Variants in ADCY3 observed in about 807,000 individuals in gnomAD.
ADCY3 encodes the protein adenylate cyclase type 3.
In ADCY3, 70 loss-of-function variants were observed where a neutral mutation model predicts 119.4. The ratio of observed to expected loss-of-function variants is 0.59; its 90% CI spans 0.48 to 0.72. ADCY3 has a LOEUF of 0.72. Among genes scored for constraint, ADCY3 ranks in the 30% least tolerant of loss-of-function variants. The pLI, the probability that ADCY3 is intolerant of heterozygous loss-of-function variation, is 0.00. For synonymous variants in ADCY3, 672 were observed against 621.4 expected (o/e 1.08, Z -1.21); for missense variants, 1,238 against 1,541.6 (o/e 0.80, Z 3.30).
chr2:24,834,414 C>CGGGGGG lies in ADCY3; in HGVS notation c.1967+70_1967+71insCCCCCC. The CGGGGGG allele has an allele frequency of 1.0e-6, 1 of 1,003,484 alleles. No homozygotes were observed. The allele number at this position is 1,003,484 out of a possible 1,614,324, so 62.2% of individuals were successfully genotyped here. A position where few individuals can be genotyped will look rare whatever the true frequency, so the allele number is the denominator to read the frequency against. On this transcript the variant is annotated intron_variant, in intron 11 of 21. Coordinates refer to ENST00000679454, the MANE Select transcript of ADCY3 (RefSeq NM_004036.5). This position sits in a 1 kb window ranked among gnomAD's most constrained non-coding sequence, Gnocchi z 4.2. The stretch of plus-strand genomic sequence containing the variant: ...CCAATGTCAGGCTCCCGCTGAGACA[C>CGGGGGG]CTGCCCCCGCCCCCCGCCCGGCACC...
chr2:24,829,503 C>A (rs1328617451), intron 13 of ADCY3, among the ~76,000 whole-genome samples: 2 of 143,698 alleles, frequency 1.4e-5, no homozygotes, highest in African/African-American at 5.2e-5. Flanking sequence ...TCACTGCAAG[C>A]TCCACCTCCC....
Position 24,840,058 on chromosome 2 carries a change from TC to T in ADCY3, c.1197-28del, listed in dbSNP as rs978490428. ...TGCCAGGTACACACAGAAAGGAGGGTCAGGGTGTGGCCTTCACGAGGCAGCC... is the reference window on the plus strand; with the variant it reads ...TGCCAGGTACACACAGAAAGGAGGGTAGGGTGTGGCCTTCACGAGGCAGCC... On this transcript the variant is annotated intron_variant, in intron 6 of 21. Coordinates refer to ENST00000679454, the MANE Select transcript of ADCY3 (RefSeq NM_004036.5). The T allele has an allele frequency of 1.2e-5, 19 of 1,592,402 alleles. No homozygotes were observed. The Admixed American group carries it at 1.7e-4, about 14-fold the overall frequency.
At chr2:24,882,344 G>A (rs1325156901) in intron 2 of ADCY3, among the ~76,000 whole-genome samples, 4 of 152,148 alleles carry the variant, frequency 2.6e-5, no homozygotes, top group Non-Finnish European at 5.9e-5. Flanking sequence ...GGAGGAGTTG[G>A]TGAGCCCTTA....
At chr2:24,825,738 C>T in intron 16 of ADCY3, 1 of 369,744 alleles carries the variant, frequency 2.7e-6, no homozygotes, top group East Asian at 6.0e-5. Context: ...CCATGAGCCC[C>T]TGGCCTAGGG....
At chr2:24,838,647 G>A (rs1158027639) in intron 7 of ADCY3, 25 bp from the exon 8 acceptor site, 4 of 1,612,386 alleles carry the variant, frequency 2.5e-6, no homozygotes, top group Non-Finnish European at 3.4e-6. Flanking sequence ...GAGAGGCCCT[G>A]AGCGTCGGCC....
rs761261963 is a variant in ADCY3 at position 24,827,958 on chromosome 2, G to A, written c.2376C>T (p.Leu792=). ...LVAGAVATIN[L]YAWRPVFDEY... ...CATCAAAGACGGGACGCCAGGCATA[G>A]AGGTTGATGGTGGCCACGGCGCCTG... The change falls in exon 14 of 22, where the codon CTC becomes CTT. Residue 792 remains leucine, a synonymous_variant. Transcript: ENST00000679454. 5 of 1,614,270 alleles carry A rather than the reference G, an allele frequency of 3.1e-6. No individual in the cohort carries two copies. The highest frequency in any genetic ancestry group is 4.2e-6 in the Non-Finnish European group (5 of 1,180,050).
In ADCY3 at chr2:24,842,699, G is replaced by A. The variant is rs911846161; in HGVS notation, c.826-315C>T. The A allele has an allele frequency of 1.2e-5, 4 of 346,930 alleles. No homozygotes were observed. Among genetic ancestry groups the A allele is most frequent in the Non-Finnish European group, 2.2e-5 (4 of 180,088 alleles). 21.5% of individuals were successfully genotyped at this position (346,930 alleles called of 1,614,324 possible). ...CAAGAAGCGCAGCAGTCCTGCGTGG[G>A]CTGCTGCACCGTGAGCCCTCCCGGC... On this transcript the variant is annotated intron_variant, in intron 3 of 21. Coordinates refer to ENST00000679454, the MANE Select transcript of ADCY3 (RefSeq NM_004036.5). This position sits in a 1 kb window ranked among gnomAD's most constrained non-coding sequence, Gnocchi z 4.9.
At chr2:24,883,648 A>C (rs1285184728) in intron 2 of ADCY3, among the ~76,000 whole-genome samples, 1 of 152,252 alleles carries the variant, frequency 6.6e-6, no homozygotes, top group Non-Finnish European at 1.5e-5. Flanking sequence ...CACTGGGTAC[A>C]TTTATCACAC....
intron 3 of ADCY3, among the ~76,000 whole-genome samples, chr2:24,849,989 C>T (rs1672105583): frequency 6.6e-6 from 1 of 152,152 alleles, no homozygotes; most frequent in Non-Finnish European, 1.5e-5. Flanking sequence ...TCCCCCACTG[C>T]TCTCCTTGTG....
chr2:24,864,124 T>G (rs1419941229), intron 3 of ADCY3, among the ~76,000 whole-genome samples: 1 of 152,078 alleles, frequency 6.6e-6, no homozygotes, highest in African/African-American at 2.4e-5. Context: ...CCGTCTCTAC[T>G]AAAAATACAA....
In ADCY3 at chr2:24,830,500, A is replaced by G. The variant is rs561268288; in HGVS notation, c.2172+209T>C. ...CTCGGACTCTGGGAGAGGAGCTTCAAGGAAACAAGTCCATCCCAGAGGCTC... is the reference window on the plus strand; with the variant it reads ...CTCGGACTCTGGGAGAGGAGCTTCAGGGAAACAAGTCCATCCCAGAGGCTC... On this transcript the variant is annotated intron_variant, in intron 13 of 21. Transcript: ENST00000679454. Among the ~76,000 whole-genome samples, 5 of 152,328 alleles carry G rather than the reference A, an allele frequency of 3.3e-5. 1 individual carries two copies. In the East Asian group the frequency reaches 7.7e-4, roughly 24 times the overall value.
chr2:24,880,796 A>G (rs988888659), intron 2 of ADCY3, among the ~76,000 whole-genome samples: 1 of 152,154 alleles, frequency 6.6e-6, no homozygotes, highest in African/African-American at 2.4e-5. Flanking sequence ...CGGGTGGATC[A>G]CCTGAGGTCA....
chr2:24,894,382 G>A (rs1167487177), intron 2 of ADCY3, among the ~76,000 whole-genome samples: 1 of 152,146 alleles, frequency 6.6e-6, no homozygotes, highest in Non-Finnish European at 1.5e-5. Flanking sequence ...GGCTGAGGCA[G>A]GAGAAGACCT....
At chr2:24,888,625 T>G (rs1677336785) in intron 2 of ADCY3, among the ~76,000 whole-genome samples, 1 of 152,192 alleles carries the variant, frequency 6.6e-6, no homozygotes, top group Non-Finnish European at 1.5e-5. Context: ...CCTTAAAACC[T>G]CCCTCTGCAA....
At position 24,834,825 on chromosome 2, in the gene ADCY3, C is replaced by T. The variant is rs1280080027; in HGVS notation, c.1774G>A (p.Glu592Lys). The stretch of plus-strand genomic sequence containing the variant: ...GCGGACTCTCGCTCAAGCAGGGCCT[C>T]GTTGAGCAGCTGGTTGAGCTCGTGC... ...DEHELNQLLN[E>K]ALLERESAQV... Residue 592 changes from glutamate to lysine, a missense_variant, in exon 10 of 22, where the codon GAG (glutamate) becomes AAG (lysine). Physicochemically the swap from Glu to Lys is moderately conservative, Grantham distance 56. Coordinates refer to ENST00000679454, the MANE Select transcript of ADCY3 (RefSeq NM_004036.5). The surrounding 1 kb of genome is among the most constrained non-coding windows in gnomAD (Gnocchi z 4.2). 8.1e-6 allele frequency: 13 copies of T among 1,613,772 alleles called. No homozygotes were observed. The highest frequency in any genetic ancestry group is 1.3e-5 in the African/African-American group (1 of 74,914).
intron 9 of ADCY3, among the ~76,000 whole-genome samples, chr2:24,836,164 C>T (rs1344298663): frequency 6.6e-6 from 1 of 152,178 alleles, no homozygotes; most frequent in Non-Finnish European, 1.5e-5. Context: ...GCATCTGTGT[C>T]CTCCTTGCTA....
chr2:24,854,045 G>A (rs1374159808), intron 3 of ADCY3, among the ~76,000 whole-genome samples: 2 of 152,128 alleles, frequency 1.3e-5, no homozygotes. Context: ...AGGACACAGA[G>A]GCCACTTCTC....
chr2:24,826,289 A>C lies in ADCY3; in HGVS notation c.2496-163T>G, dbSNP rs1668608251. The C allele has an allele frequency of 2.7e-5, 17 of 625,192 alleles. No individual in the cohort carries two copies. The South Asian group carries it at 3.4e-4, about 12-fold the overall frequency. The allele number at this position is 625,192 out of a possible 1,614,324, so 38.7% of individuals were successfully genotyped here. A position where few individuals can be genotyped will look rare whatever the true frequency, so the allele number is the denominator to read the frequency against. ...CAAGTCGGGCTCCCCCGGGCAGTAA[A>C]ATTTTCTTAACTCACTGGGCTCCTC... is the stretch of plus-strand genomic sequence containing the variant. On this transcript the variant is annotated intron_variant, in intron 15 of 21. Coordinates refer to ENST00000679454, the MANE Select transcript of ADCY3 (RefSeq NM_004036.5).
chr2:24,830,656 C>A, intron 13 of ADCY3, 53 bp downstream of exon 13: 2 of 1,416,576 alleles, frequency 1.4e-6, no homozygotes, highest in South Asian at 2.4e-5. Flanking sequence ...AAACAGAAGC[C>A]CTTCTCCACT....
Sources: allele counts gnomAD v4.1 joint callset (sites outside exome capture counted in the v4.1 genomes callset), GRCh38; gene constraint gnomAD v4.1.1; non-coding constraint Gnocchi (gnomAD v3.1); transcripts MANE v1.5; gene names NCBI Gene and HGNC (gene_info 2026-07-23, HGNC 2026-07-21).